The following HPGDS variants were observed in gnomAD, a reference collection of about 807,000 sequenced individuals.
The protein encoded by HPGDS is GST class-sigma.
Under a neutral mutation model 23.1 loss-of-function variants are expected in HPGDS, and 26 were observed. That is an observed-to-expected ratio of 1.13 (90% confidence interval 0.83 to 1.56). The LOEUF (loss-of-function observed/expected upper bound fraction) is 1.56. HPGDS is among the 40% of genes most tolerant of loss of function. The pLI, the probability that HPGDS is intolerant of heterozygous loss-of-function variation, is 0.00. For missense variants in HPGDS, 268 were observed against 236.4 expected (o/e 1.13, Z -0.88); for synonymous variants, 95 against 77.9 (o/e 1.22, Z -1.16).
At chr4:94,312,216 T>C (rs958501318) in intron 3 of HPGDS, among the ~76,000 whole-genome samples, 2 of 152,178 alleles carry the variant, frequency 1.3e-5, no homozygotes, top group African/African-American at 4.8e-5. Flanking sequence ...TTCTAGTTCT[T>C]TTAATTGTGA....
At chr4:94,317,369 A>G (rs1157434832) in intron 3 of HPGDS, among the ~76,000 whole-genome samples, 2 of 152,184 alleles carry the variant, frequency 1.3e-5, no homozygotes, top group East Asian at 3.9e-4. Context: ...CACTAATGCA[A>G]CAATCCGGAA....
At chr4:94,305,088 TATTA>T (rs1756115983) in intron 4 of HPGDS, among the ~76,000 whole-genome samples, 2 of 152,124 alleles carry the variant, frequency 1.3e-5, no homozygotes, top group Admixed American at 6.5e-5. Context: ...TATATAACAC[TATTA>T]ATTATAATAG....
intron 2 of HPGDS, among the ~76,000 whole-genome samples, chr4:94,326,085 T>C (rs1251496411): frequency 6.6e-6 from 1 of 152,098 alleles, no homozygotes; most frequent in Non-Finnish European, 1.5e-5. Flanking sequence ...CCTTTATGTA[T>C]GACTTGACAC....
chr4:94,318,957 C>T (rs547699270), intron 2 of HPGDS, among the ~76,000 whole-genome samples: 1 of 152,326 alleles, frequency 6.6e-6, no homozygotes, highest in South Asian at 2.1e-4. Context: ...AAGTGATCCA[C>T]CTACCTCAGC....
Position 94,299,269 on chromosome 4 carries a change from T to C in HPGDS, c.*211A>G. The C allele has an allele frequency of 2.1e-6, 1 of 480,890 alleles. No individual in the cohort carries two copies. The highest frequency in any genetic ancestry group is 3.5e-5 in the Admixed American group (1 of 28,320). The allele number at this position is 480,890 out of a possible 1,614,324, so 29.8% of individuals were successfully genotyped here. ...GTATTACATACTATTTTTCTGTAATTGTAAATGATGAGAAGCTATTCTGAA... is the reference window on the plus strand; with the variant it reads ...GTATTACATACTATTTTTCTGTAATCGTAAATGATGAGAAGCTATTCTGAA... On this transcript the variant is annotated 3_prime_UTR_variant, in exon 6 of 6. Transcript: ENST00000295256.
At chr4:94,319,730 C>T (rs1756465547) in intron 2 of HPGDS, among the ~76,000 whole-genome samples, 1 of 152,058 alleles carries the variant, frequency 6.6e-6, no homozygotes, top group African/African-American at 2.4e-5. Flanking sequence ...TACATTTCCT[C>T]AGTTTTTGCT....
Position 94,320,058 on chromosome 4 carries a change from A to G in HPGDS, c.134-2093T>C, listed in dbSNP as rs140841287. On this transcript the variant is annotated intron_variant, in intron 2 of 5. Transcript: ENST00000295256. Reference sequence around the variant, plus strand: ...TAGTTTGCTCAGAATGATGGTTTCCAGCTTCATCCATGTCCCTACAAAGGA... The same window carrying G: ...TAGTTTGCTCAGAATGATGGTTTCCGGCTTCATCCATGTCCCTACAAAGGA... Among the ~76,000 whole-genome samples, 729 of 152,224 alleles carry G rather than the reference A, an allele frequency of 4.8e-3. 18 individuals are homozygous for G. Among genetic ancestry groups the G allele is most frequent in the East Asian group, 0.025 (129 of 5,182 alleles).
rs112450404 is a variant in HPGDS, at chr4:94,334,758, G to A, written c.-9-120C>T. 7.1e-3 allele frequency: 6,067 copies of A among 849,068 alleles called. 262 individuals are homozygous for A. The African/African-American group carries it at 0.093, about 13-fold the overall frequency. 52.6% of individuals were successfully genotyped at this position (849,068 alleles called of 1,614,324 possible). ...CTTGAGATTACTGGAGACATTAGAGGATATTTCAAAACCAAAATTATAAAT... is the reference window on the plus strand; with the variant it reads ...CTTGAGATTACTGGAGACATTAGAGAATATTTCAAAACCAAAATTATAAAT... On this transcript the variant is annotated intron_variant, in intron 1 of 5. Coordinates refer to ENST00000295256, the MANE Select transcript of HPGDS (RefSeq NM_014485.3).
intron 3 of HPGDS, among the ~76,000 whole-genome samples, chr4:94,315,059 A>G (rs974676060): frequency 3.3e-5 from 5 of 152,308 alleles, no homozygotes; most frequent in Middle Eastern, 3.4e-3. Context: ...TGGCTAGGAA[A>G]GATAATCACC....
At chr4:94,304,703 T>C (rs1232681189) in intron 4 of HPGDS, among the ~76,000 whole-genome samples, 2 of 152,164 alleles carry the variant, frequency 1.3e-5, no homozygotes, top group Non-Finnish European at 2.9e-5. Context: ...CAACGTGTTC[T>C]GCCTTTGTAT....
chr4:94,304,290 TC>T, intron 4 of HPGDS, among the ~76,000 whole-genome samples: 1 of 152,236 alleles, frequency 6.6e-6, no homozygotes, highest in South Asian at 2.1e-4. Context: ...TCATTCTTCT[TC>T]CCCATCCTGT....
chr4:94,322,754 C>T (rs1429210671), intron 2 of HPGDS, among the ~76,000 whole-genome samples: 1 of 152,188 alleles, frequency 6.6e-6, no homozygotes, highest in East Asian at 1.9e-4. Context: ...TTTTGTATCT[C>T]TGTCTCCTTC....
chr4:94,303,210 A>G (rs1447366564), intron 4 of HPGDS, among the ~76,000 whole-genome samples: 1 of 152,112 alleles, frequency 6.6e-6, no homozygotes, highest in Non-Finnish European at 1.5e-5. Flanking sequence ...TTATATTTAG[A>G]ATACAATTTG....
At chr4:94,314,897 T>G (rs186259191) in intron 3 of HPGDS, among the ~76,000 whole-genome samples, 320 of 152,358 alleles carry the variant, frequency 2.1e-3, no homozygotes, top group Middle Eastern at 0.01. Context: ...ACTGCTGTGC[T>G]AGCAATGAGC....
intron 1 of HPGDS, among the ~76,000 whole-genome samples, chr4:94,340,311 C>CTTTTCTTTTTTTTTTTTTTTTTT (rs1721126934): frequency 1.3e-4 from 3 of 23,686 alleles, no homozygotes; most frequent in Admixed American, 6.1e-4. Context: ...CTTTCTTTCT[C>CTTTTCTTTTTTTTTTTTTTTTTT]TTTTTTTTTT....
At chr4:94,306,789 G>C (rs758177920) in intron 4 of HPGDS, among the ~76,000 whole-genome samples, 1 of 151,928 alleles carries the variant, frequency 6.6e-6, no homozygotes, top group Non-Finnish European at 1.5e-5. Flanking sequence ...GCCAAGAGAC[G>C]GGAAATAGGA....
chr4:94,342,716 G>T (rs1721197422), intron 1 of HPGDS, 79 bp downstream of exon 1: 1 of 152,136 alleles, frequency 6.6e-6, no homozygotes. Context: ...AACAGGATAT[G>T]AGAATAATAA....
At chr4:94,311,933 T>C (rs1378788151) in intron 3 of HPGDS, among the ~76,000 whole-genome samples, 1 of 151,798 alleles carries the variant, frequency 6.6e-6, no homozygotes, top group African/African-American at 2.4e-5. Context: ...TGTAGAGGTG[T>C]TTATAGTATT....
At chr4:94,324,936 G>C (rs1756598522) in intron 2 of HPGDS, among the ~76,000 whole-genome samples, 1 of 152,168 alleles carries the variant, frequency 6.6e-6, no homozygotes, top group Non-Finnish European at 1.5e-5. Flanking sequence ...CCTACAGATT[G>C]GGTTTTGGTG....
Sources: gnomAD v4.1 joint callset for allele counts (sites outside exome capture counted in the v4.1 genomes callset) on GRCh38, gnomAD v4.1.1 for gene constraint, MANE v1.5 for transcripts, NCBI Gene and HGNC (gene_info 2026-07-23, HGNC 2026-07-21) for gene names.